ACOXL: variants seen among roughly 807,000 people sequenced by gnomAD.
ACOXL encodes acyl-CoA oxidase like.
In ACOXL, 70 loss-of-function variants were observed where a neutral mutation model predicts 71.9. That is an observed-to-expected ratio of 0.97 (90% CI 0.80 to 1.19). The LOEUF is 1.19. Among genes scored for constraint, ACOXL ranks in the 50% most tolerant of loss-of-function variants. The pLI, the probability that ACOXL is intolerant of heterozygous loss-of-function variation, is 0.00. For missense variants in ACOXL, 703 were observed against 736.3 expected (o/e 0.95, Z 0.52); for synonymous variants, 253 against 281.6 (o/e 0.90, Z 1.02).
At chr2:110,953,831 G>A (rs1258148880) in intron 12 of ACOXL, among the ~76,000 whole-genome samples, 4 of 152,172 alleles carry the variant, frequency 2.6e-5, no homozygotes, top group Admixed American at 2.6e-4. Context: ...GAGAGAGAGA[G>A]AGAAGTCGGG....
At chr2:110,926,453 C>T (rs1364750308) in intron 11 of ACOXL, among the ~76,000 whole-genome samples, 1 of 152,182 alleles carries the variant, frequency 6.6e-6, no homozygotes, top group African/African-American at 2.4e-5. Flanking sequence ...AGCAGGCCCT[C>T]TGTGACCCTA....
In ACOXL at chr2:111,117,918, G is replaced by T; in HGVS notation, c.*102G>T. On this transcript the variant is annotated 3_prime_UTR_variant, in exon 18 of 18. Transcript: ENST00000439055. ...GAGGCCGGGGGCTGGCACCCGCTGG[G>T]CCGCCACTCTCGGGGATTTTGGTGG... 7.5e-7 allele frequency: 1 copy of T among 1,336,556 alleles called. No homozygotes were observed. Among genetic ancestry groups the T allele is most frequent in the South Asian group, 1.5e-5 (1 of 67,738 alleles). The allele number at this position is 1,336,556 out of a possible 1,614,324, so 82.8% of individuals were successfully genotyped here.
At chr2:111,109,770 C>A (rs540668166) in intron 17 of ACOXL, among the ~76,000 whole-genome samples, 1 of 147,888 alleles carries the variant, frequency 6.8e-6, no homozygotes, top group Non-Finnish European at 1.5e-5. Context: ...CTTCTGCCTC[C>A]CAGGTTCAAG....
At chr2:110,869,470 A>G (rs1033905303) in intron 10 of ACOXL, among the ~76,000 whole-genome samples, 22 of 152,172 alleles carry the variant, frequency 1.4e-4, no homozygotes, top group African/African-American at 3.9e-4. Flanking sequence ...ACTGGCCACA[A>G]TGGCAAATGT....
chr2:110,968,778 CAAAA>C (rs35801632), intron 12 of ACOXL: 229 of 217,570 alleles, frequency 1.1e-3, no homozygotes, highest in South Asian at 3.3e-3. Context: ...TTATGGACAG[CAAAA>C]AAAAAAAAAA....
In ACOXL at chr2:110,829,597, T is replaced by A. The variant is rs1689581629; in HGVS notation, c.754-11774T>A. On this transcript the variant is annotated intron_variant, in intron 9 of 17. Transcript: ENST00000439055. ...AGTGTCTTTGTACGGTGGCTGTTTC[T>A]TCTCTGCGTCACAGTGACCACACTT... Among the ~76,000 whole-genome samples, 3 of 152,220 alleles carry A rather than the reference T, an allele frequency of 2.0e-5. No individual in the cohort carries two copies. In the South Asian group the frequency reaches 6.2e-4, roughly 32 times the overall value.
intron 11 of ACOXL, among the ~76,000 whole-genome samples, chr2:110,916,405 A>G (rs1156483462): frequency 6.6e-6 from 1 of 152,174 alleles, no homozygotes; most frequent in Non-Finnish European, 1.5e-5. Context: ...GGACACAGCT[A>G]TAGCAATGTT....
rs116188717 is a variant in ACOXL, at chr2:110,954,609, C to T, written c.1059+20967C>T. Reference sequence around the variant, plus strand: ...AAGAGCTTAGATTGCTTTAACTAATCATGAGCTCCCACCCTCTAAACTATT... The same window carrying T: ...AAGAGCTTAGATTGCTTTAACTAATTATGAGCTCCCACCCTCTAAACTATT... On this transcript the variant is annotated intron_variant, in intron 12 of 17. Transcript: ENST00000439055. Among the ~76,000 whole-genome samples, 370 of 152,326 alleles carry T rather than the reference C, an allele frequency of 2.4e-3. 7 individuals carry two copies. Among genetic ancestry groups the T allele is most frequent in the African/African-American group, 8.1e-3 (336 of 41,564 alleles).
chr2:110,995,992 A>T lies in ACOXL; in HGVS notation c.1269A>T (p.Arg423Ser). The T allele has an allele frequency of 6.3e-7, 1 of 1,590,248 alleles. No homozygotes were observed. The highest frequency in any genetic ancestry group is 8.5e-7 in the Non-Finnish European group (1 of 1,178,330). Reference sequence around the variant, plus strand: ...TTCTTCAGCGGGGTTTGGTGGCCAGAATTTATTATAAGGTAAAGATACACT... The same window carrying T: ...TTCTTCAGCGGGGTTTGGTGGCCAGTATTTATTATAAGGTAAAGATACACT... ...ERVLQRGLVA[R>S]IYYKVKTKKE... The change falls in exon 14 of 18, where the codon AGA becomes AGT. Residue 423 changes from arginine to serine, a missense_variant. Physicochemically the swap from Arg to Ser is moderately radical, Grantham distance 110. Transcript: ENST00000439055.
At chr2:110,747,515 C>T (rs143611551) in intron 1 of ACOXL, among the ~76,000 whole-genome samples, 101 of 152,304 alleles carry the variant, frequency 6.6e-4, no homozygotes, top group Non-Finnish European at 1.2e-3. Context: ...CCATTCTAGC[C>T]ACAGTGTCTC....
intron 12 of ACOXL, among the ~76,000 whole-genome samples, chr2:110,935,144 C>G (rs1486201131): frequency 6.6e-6 from 1 of 152,082 alleles, no homozygotes; most frequent in African/African-American, 2.4e-5. Flanking sequence ...CAGGCAGGGA[C>G]AGCCCACACA....
chr2:111,026,289 A>G (rs1212674149), intron 14 of ACOXL, among the ~76,000 whole-genome samples: 1 of 152,084 alleles, frequency 6.6e-6, no homozygotes, highest in Non-Finnish European at 1.5e-5. Flanking sequence ...GTATGGTTCT[A>G]CCATACTCAC....
chr2:110,966,648 G>C (rs2061942430), intron 12 of ACOXL, among the ~76,000 whole-genome samples: 1 of 152,238 alleles, frequency 6.6e-6, no homozygotes, highest in Non-Finnish European at 1.5e-5. Flanking sequence ...AGGATGAAGT[G>C]GGGGAGTTAA....
intron 14 of ACOXL, among the ~76,000 whole-genome samples, chr2:111,021,657 C>G (rs926608162): frequency 1.3e-5 from 2 of 152,038 alleles, no homozygotes; most frequent in Non-Finnish European, 2.9e-5. Flanking sequence ...GGACCCTCTT[C>G]CCAAAGCCAA....
chr2:110,906,262 G>A (rs1447585517), intron 10 of ACOXL, among the ~76,000 whole-genome samples: 1 of 152,100 alleles, frequency 6.6e-6, no homozygotes, highest in East Asian at 1.9e-4. Flanking sequence ...TATTGGCCAG[G>A]CGTGGTGGCT....
chr2:110,912,362 G>A (rs570842361), intron 11 of ACOXL, among the ~76,000 whole-genome samples: 4 of 152,160 alleles, frequency 2.6e-5, no homozygotes, highest in African/African-American at 9.6e-5. Flanking sequence ...TCTCAATTCA[G>A]AAACTTAATA....
At chr2:110,925,498 T>C (rs2060236061) in intron 11 of ACOXL, among the ~76,000 whole-genome samples, 1 of 152,248 alleles carries the variant, frequency 6.6e-6, no homozygotes, top group Non-Finnish European at 1.5e-5. Flanking sequence ...ATGGTGTCTT[T>C]CTTTAAAAAT....
chr2:110,947,030 C>T (rs2061134896), intron 12 of ACOXL, among the ~76,000 whole-genome samples: 1 of 152,210 alleles, frequency 6.6e-6, no homozygotes, highest in African/African-American at 2.4e-5. Context: ...TTCTGCATTT[C>T]AGCCTCTAAT....
At chr2:111,107,064 G>C (rs1430180843) in intron 17 of ACOXL, among the ~76,000 whole-genome samples, 1 of 152,192 alleles carries the variant, frequency 6.6e-6, no homozygotes, top group African/African-American at 2.4e-5. Flanking sequence ...CTGACACCAT[G>C]GTGGGTACCT....
Sources: allele counts gnomAD v4.1 joint callset (sites outside exome capture counted in the v4.1 genomes callset), GRCh38; gene constraint gnomAD v4.1.1; transcripts MANE v1.5; gene names NCBI Gene and HGNC (gene_info 2026-07-23, HGNC 2026-07-21).